Variants in STAMBP observed in about 807,000 individuals in gnomAD.
STAMBP encodes the protein STAM binding protein, also known as STAM-binding protein.
A neutral mutation model predicts 50.7 loss-of-function variants in STAMBP; 31 were observed. That is an observed-to-expected ratio of 0.61 (90% CI 0.46 to 0.83). The LOEUF (loss-of-function observed/expected upper bound fraction) is 0.83, where lower values mean the gene tolerates loss of function less well. Among genes scored for constraint, STAMBP ranks in the 40% least tolerant of loss-of-function variants. The pLI, the probability that STAMBP is intolerant of heterozygous loss-of-function variation, is 0.00. For synonymous variants in STAMBP, 211 were observed against 192.4 expected, an observed-to-expected ratio of 1.10 and a Z score of -0.80; for missense variants, 472 against 518.9, an observed-to-expected ratio of 0.91 and a Z score of 0.88.
intron 2 of STAMBP, among the ~76,000 whole-genome samples, chr2:73,831,913 C>G (rs1432950628): frequency 1.3e-5 from 2 of 151,774 alleles, no homozygotes; most frequent in East Asian, 3.9e-4. Context: ...GTGACAAAAC[C>G]TTGGTTTTCT....
intron 2 of STAMBP, among the ~76,000 whole-genome samples, chr2:73,844,444 C>G (rs113501916): frequency 6.6e-6 from 1 of 152,240 alleles, no homozygotes; most frequent in Non-Finnish European, 1.5e-5. Context: ...AAACGGTTCT[C>G]TGAAGACTGC....
chr2:73,834,115 G>A (rs1480194927), intron 2 of STAMBP, among the ~76,000 whole-genome samples: 2 of 148,194 alleles, frequency 1.3e-5, no homozygotes, highest in East Asian at 4.0e-4. Context: ...GGAGACTGAG[G>A]CAGGAGAATT....
chr2:73,871,559 A>G (rs536378995), downstream of STAMBP, among the ~76,000 whole-genome samples: 3 of 152,088 alleles, frequency 2.0e-5, no homozygotes, highest in South Asian at 6.2e-4. Context: ...AAAAAAAAAA[A>G]AAAAATTCTT....
At chr2:73,852,291 C>T (rs147520327) in intron 7 of STAMBP, among the ~76,000 whole-genome samples, 2 of 152,182 alleles carry the variant, frequency 1.3e-5, no homozygotes, top group Non-Finnish European at 2.9e-5. Context: ...GATTTGGGGC[C>T]TTGCAGTGAT....
rs562818723 is a variant in STAMBP, at chr2:73,834,458, A to C, written c.203+3399A>C. On this transcript the variant is annotated intron_variant, in intron 2 of 9. Transcript: ENST00000394070. ...GAATGTTATTAAGAAAATCATAAAG[A>C]ATAGAAAATATAGATACTATTTGTT... Among the ~76,000 whole-genome samples the C allele has an allele frequency of 2.3e-4, 35 of 151,652 alleles. No homozygotes were observed. The East Asian group carries it at 6.6e-3, about 29-fold the overall frequency.
At chr2:73,834,413 AAAGT>A (rs920722522) in intron 2 of STAMBP, among the ~76,000 whole-genome samples, 1 of 151,140 alleles carries the variant, frequency 6.6e-6, no homozygotes, top group African/African-American at 2.4e-5. Context: ...TTCTTACAGA[AAAGT>A]AAGCTTGAGA....
At chr2:73,841,508 A>G (rs899054297) in intron 2 of STAMBP, among the ~76,000 whole-genome samples, 19 of 152,210 alleles carry the variant, frequency 1.2e-4, no homozygotes, top group Admixed American at 4.6e-4. Flanking sequence ...CTACAATTTT[A>G]TGGACAGGAT....
rs1558558121 is a variant in STAMBP at position 73,834,239 on chromosome 2, ATATATAT to A, written c.203+3181_203+3187del. Among the ~76,000 whole-genome samples, 111 of 15,516 alleles carry A rather than the reference ATATATAT, an allele frequency of 7.2e-3. 3 individuals are homozygous for A. The highest frequency in any genetic ancestry group is 8.5e-3 in the South Asian group (2 of 236). 10.2% of individuals were successfully genotyped at this position (15,516 alleles called of 152,430 possible). A position where few individuals can be genotyped will look rare whatever the true frequency, so the allele number is the denominator to read the frequency against. On this transcript the variant is annotated intron_variant, in intron 2 of 9. Coordinates refer to ENST00000394070, the MANE Select transcript of STAMBP (RefSeq NM_213622.4). The stretch of plus-strand genomic sequence containing the variant: ...AAAAAAAAAAAAAAAAAAAAAAAAT[ATATATAT>A]ATATATATATATATATATATATATA...
intron 7 of STAMBP, among the ~76,000 whole-genome samples, chr2:73,853,793 G>T (rs891069761): frequency 7.2e-5 from 11 of 152,236 alleles, no homozygotes; most frequent in African/African-American, 2.6e-4. Context: ...CACTACCTAG[G>T]TCAGGAAACA....
chr2:73,872,697 C>G (rs139965001), intron 10 of STAMBP, among the ~76,000 whole-genome samples: 2 of 152,312 alleles, frequency 1.3e-5, no homozygotes, highest in East Asian at 3.9e-4. Context: ...CTGTATCTTC[C>G]ACTTTTATTC....
At chr2:73,859,130 G>A (rs1157582026) in intron 7 of STAMBP, 124 bp from the exon 8 acceptor site, 34 of 695,522 alleles carry the variant, frequency 4.9e-5, no homozygotes, top group Middle Eastern at 2.5e-4. Context: ...GTATGTTATC[G>A]TATGTAATAT....
At chr2:73,837,390 C>A (rs1434656748) in intron 2 of STAMBP, among the ~76,000 whole-genome samples, 2 of 151,950 alleles carry the variant, frequency 1.3e-5, no homozygotes, top group African/African-American at 4.8e-5. Context: ...TCGAGACCAT[C>A]CTGGCTAACA....
downstream of STAMBP, among the ~76,000 whole-genome samples, chr2:73,868,105 CAA>C (rs1164068009): frequency 2.5e-5 from 3 of 120,920 alleles, no homozygotes; most frequent in South Asian, 2.6e-4. Flanking sequence ...GCCTGGGCAA[CAA>C]GAGCAAAACT....
Position 73,858,726 on chromosome 2 carries a change from T to C in STAMBP, c.1006-528T>C, listed in dbSNP as rs1025522573. On this transcript the variant is annotated intron_variant, in intron 7 of 9. Transcript: ENST00000394070. ...ATACTGGTATTAAGCAATATTTGTT[T>C]ACAGTGCTGGAAAGGAGCTTCCTTA... Among the ~76,000 whole-genome samples the C allele has an allele frequency of 3.3e-5, 5 of 152,228 alleles. No homozygotes were observed. The South Asian group carries it at 8.3e-4, about 25-fold the overall frequency.
chr2:73,839,185 C>T (rs1675075171), intron 2 of STAMBP, among the ~76,000 whole-genome samples: 1 of 152,186 alleles, frequency 6.6e-6, no homozygotes, highest in East Asian at 1.9e-4. Flanking sequence ...GTTCAGGCAT[C>T]TTAATGATCT....
intron 4 of STAMBP, among the ~76,000 whole-genome samples, chr2:73,846,807 C>G (rs928343885): frequency 3.3e-5 from 5 of 152,012 alleles, no homozygotes; most frequent in Non-Finnish European, 7.4e-5. Flanking sequence ...TCAGGCCAGA[C>G]ATTGTGGCTC....
chr2:73,869,419 G>A (rs1389758636), downstream of STAMBP, among the ~76,000 whole-genome samples: 3 of 152,186 alleles, frequency 2.0e-5, no homozygotes, highest in Non-Finnish European at 2.9e-5. Context: ...TTCTATGAGA[G>A]AAAGACAATG....
chr2:73,831,293 G>C (rs1673891413), intron 2 of STAMBP, among the ~76,000 whole-genome samples: 2 of 152,196 alleles, frequency 1.3e-5, no homozygotes, highest in African/African-American at 2.4e-5. Flanking sequence ...TGCCCACATA[G>C]CCCAGCTGTT....
intron 9 of STAMBP, 64 bp from the exon 10 acceptor site, chr2:73,862,139 G>C: frequency 8.3e-7 from 1 of 1,209,296 alleles, no homozygotes; most frequent in Non-Finnish European, 1.1e-6. Flanking sequence ...CCTATATGAA[G>C]AAAAAAAAAA....
Sources: allele counts gnomAD v4.1 joint callset (sites outside exome capture counted in the v4.1 genomes callset), GRCh38; gene constraint gnomAD v4.1.1; transcripts MANE v1.5; gene names NCBI Gene and HGNC (gene_info 2026-07-23, HGNC 2026-07-21).